The following PCDHA9 variants were observed in gnomAD, a reference collection of about 807,000 sequenced individuals.
The protein encoded by PCDHA9 is protocadherin alpha-9.
A neutral mutation model predicts 62.0 loss-of-function variants in PCDHA9; 62 were observed. The observed-to-expected ratio is 1.00, with a 90% confidence interval of 0.81 to 1.23. The LOEUF is 1.23. PCDHA9 is among the 50% of genes most tolerant of loss of function. PCDHA9 has a pLI of 0.00. For synonymous variants in PCDHA9, 557 were observed against 567.6 expected (o/e 0.98, Z 0.27); for missense variants, 1,205 against 1,249.8 (o/e 0.96, Z 0.54).
At chr5:140,988,831 A>G (rs1005821454) in intron 3 of PCDHA9, 6 of 152,208 alleles carry the variant, frequency 3.9e-5, no homozygotes, top group Non-Finnish European at 7.3e-5. Flanking sequence ...AACAGAGATC[A>G]CGTGTCTCCT....
At chr5:140,853,674 G>A (rs1554146796) in intron 1 of PCDHA9, 1 of 988,402 alleles carries the variant, frequency 1.0e-6, no homozygotes, top group East Asian at 1.1e-4. Flanking sequence ...GGGGCCTATG[G>A]TCAACCTATC....
At chr5:140,917,326 G>GA (rs1425389614) in intron 1 of PCDHA9, among the ~76,000 whole-genome samples, 3 of 149,490 alleles carry the variant, frequency 2.0e-5, no homozygotes, top group Non-Finnish European at 4.5e-5. Flanking sequence ...TCATGTGGCG[G>GA]GGGAGGGGGG....
intron 1 of PCDHA9, chr5:140,854,500 C>T (rs1489975615): frequency 2.0e-5 from 3 of 149,908 alleles, no homozygotes; most frequent in Non-Finnish European, 3.0e-5. Context: ...TAGTAGGACA[C>T]ATAAACTGAT....
intron 1 of PCDHA9, among the ~76,000 whole-genome samples, chr5:140,923,528 C>CA (rs1240707958): frequency 2.0e-5 from 3 of 151,622 alleles, no homozygotes; most frequent in Non-Finnish European, 4.4e-5. Context: ...GATTCTGTCC[C>CA]AAAAAAAGGA....
intron 2 of PCDHA9, among the ~76,000 whole-genome samples, chr5:140,981,529 G>A (rs1014315292): frequency 3.9e-5 from 6 of 152,196 alleles, no homozygotes; most frequent in East Asian, 1.9e-4. Flanking sequence ...AGCTGAGATC[G>A]TGCCACTGTA....
At chr5:140,960,922 G>C (rs562658138) in intron 1 of PCDHA9, among the ~76,000 whole-genome samples, 1 of 152,272 alleles carries the variant, frequency 6.6e-6, no homozygotes, top group East Asian at 1.9e-4. Flanking sequence ...ATAGAAAATT[G>C]GTACTAAGTT....
At chr5:140,889,176 A>T (rs2062131208) in intron 1 of PCDHA9, among the ~76,000 whole-genome samples, 1 of 151,738 alleles carries the variant, frequency 6.6e-6, no homozygotes, top group South Asian at 2.1e-4. Context: ...CAAGTTATAA[A>T]TAAGAATCTA....
At chr5:140,940,028 G>T (rs782276273) in intron 1 of PCDHA9, among the ~76,000 whole-genome samples, 1 of 152,048 alleles carries the variant, frequency 6.6e-6, no homozygotes, top group African/African-American at 2.4e-5. Context: ...ATGTTTTAAG[G>T]CTATTTTATT....
intron 1 of PCDHA9, among the ~76,000 whole-genome samples, chr5:140,955,335 A>G (rs538609650): frequency 6.6e-6 from 1 of 152,266 alleles, no homozygotes; most frequent in South Asian, 2.1e-4. Flanking sequence ...AGTTCCCATA[A>G]TCCCCACATG....
At position 141,006,497 on chromosome 5, in the gene PCDHA9, G is replaced by C. The variant is rs575942325; in HGVS notation, c.2543-3130G>C. Among the ~76,000 whole-genome samples the C allele has an allele frequency of 2.6e-5, 4 of 152,288 alleles. No homozygotes were observed. In the South Asian group the frequency reaches 8.3e-4, roughly 32 times the overall value. ...CAAAGTGCTGGGATTACATGTGTGA[G>C]CCACCGCGCCTGGCTGTTATACATC... On this transcript the variant is annotated intron_variant, in intron 3 of 3. Transcript: ENST00000532602.
At chr5:140,856,020 G>A (rs782082828) in intron 1 of PCDHA9, 2 of 1,553,262 alleles carry the variant, frequency 1.3e-6, no homozygotes, top group African/African-American at 1.4e-5. Context: ...CCGCTGATTC[G>A]TCGATTTGTA....
intron 1 of PCDHA9, chr5:140,852,618 T>A (rs1455728241): frequency 1.1e-6 from 1 of 941,332 alleles, no homozygotes; most frequent in Admixed American, 6.4e-5. Context: ...AAAACTTGAG[T>A]GGTCTCTGAG....
In PCDHA9 at chr5:140,858,149, G is replaced by A. The variant is rs782725386; in HGVS notation, c.2394+7260G>A. The A allele has an allele frequency of 1.5e-5, 24 of 1,597,456 alleles. 4 individuals carry two copies. The highest frequency in any genetic ancestry group is 1.3e-4 in the African/African-American group (10 of 74,378). ...GGATGTCAACGTGTACCTGATCATC[G>A]CCATCTGCGCGGTGTCCAGCTTGCT... On this transcript the variant is annotated intron_variant, in intron 1 of 3. Transcript: ENST00000532602.
intron 1 of PCDHA9, among the ~76,000 whole-genome samples, chr5:140,957,549 C>T (rs563057107): frequency 6.6e-6 from 1 of 152,038 alleles, no homozygotes; most frequent in South Asian, 2.1e-4. Flanking sequence ...AAAGTATTCT[C>T]TGTGGAAAAG....
At chr5:140,924,837 G>A (rs1310509638) in intron 1 of PCDHA9, among the ~76,000 whole-genome samples, 2 of 151,426 alleles carry the variant, frequency 1.3e-5, no homozygotes, top group African/African-American at 4.9e-5. Flanking sequence ...GGAGGTTGCA[G>A]GGAGCTCAGA....
In PCDHA9 at chr5:140,850,206, A is replaced by T; in HGVS notation, c.1711A>T (p.Arg571Trp). Reference sequence around the variant, plus strand: ...GCCGGCGCTGCTGACACCTCGGATGAGGGGCACTGACGGCGCAGTGAGCGA... The same window carrying T: ...GCCGGCGCTGCTGACACCTCGGATGTGGGGCACTGACGGCGCAGTGAGCGA... ...NAPALLTPRM[R>W]GTDGAVSEMV... Residue 571 changes from arginine to tryptophan, a missense_variant, in exon 1 of 4, where the codon AGG (arginine) becomes TGG (tryptophan). This residue lies in a region of PCDHA9 where 887 missense variants were observed against 809.5 expected (regional missense o/e 1.10). Transcript: ENST00000532602. The T allele has an allele frequency of 6.3e-7, 1 of 1,592,626 alleles. No individual in the cohort carries two copies. The highest frequency in any genetic ancestry group is 1.1e-5 in the South Asian group (1 of 90,384).
At chr5:140,972,990 G>A (rs185555684) in intron 1 of PCDHA9, among the ~76,000 whole-genome samples, 2 of 152,188 alleles carry the variant, frequency 1.3e-5, no homozygotes, top group African/African-American at 4.8e-5. Context: ...GGTAGATTCT[G>A]TGCATTTGTG....
chr5:140,858,335 C>T, intron 1 of PCDHA9: 1 of 1,595,924 alleles, frequency 6.3e-7, no homozygotes, highest in Non-Finnish European at 8.6e-7. Flanking sequence ...GGAGGGCCTG[C>T]CCAAGGCGGA....
chr5:140,985,228 C>G (rs1022229644), intron 3 of PCDHA9, among the ~76,000 whole-genome samples: 4 of 152,156 alleles, frequency 2.6e-5, no homozygotes, highest in Non-Finnish European at 4.4e-5. Context: ...TGAGCCACCG[C>G]GCCTGGCCTA....
Sources: allele counts gnomAD v4.1 joint callset (sites outside exome capture counted in the v4.1 genomes callset), GRCh38; gene constraint gnomAD v4.1.1; regional missense constraint gnomAD v4.1.1; transcripts MANE v1.5; gene names NCBI Gene and HGNC (gene_info 2026-07-23, HGNC 2026-07-21).